The following TRAF7 variants were observed in gnomAD, a reference collection of about 807,000 sequenced individuals.
TRAF7 encodes the protein E3 ubiquitin-protein ligase TRAF7.
TRAF7 carries 45 observed loss-of-function variants against 89.3 expected under a neutral mutation model. The ratio of observed to expected loss-of-function variants is 0.50; its 90% CI spans 0.40 to 0.65. The LOEUF is 0.65. Ranked by LOEUF, TRAF7 falls within the 30% of genes least tolerant of loss-of-function variation. The pLI is 0.00. For missense variants in TRAF7, 677 were observed against 918.1 expected (o/e 0.74, Z 3.39); for synonymous variants, 406 against 369.2 (o/e 1.10, Z -1.14).
Position 2,175,691 on chromosome 16 carries a change from G to C in TRAF7, c.1626+69G>C, listed in dbSNP as rs2141295962. ...CCAGCACTTCCCAGGCCAGCACCTGGGGCTCCATCTGCCCTGTTCCTACCT... is the reference window on the plus strand; with the variant it reads ...CCAGCACTTCCCAGGCCAGCACCTGCGGCTCCATCTGCCCTGTTCCTACCT... On this transcript the variant is annotated intron_variant, in intron 17 of 20. Coordinates refer to ENST00000326181, the MANE Select transcript of TRAF7 (RefSeq NM_032271.3). The C allele has an allele frequency of 1.9e-6, 3 of 1,592,722 alleles. No individual in the cohort carries two copies. In the South Asian group the frequency reaches 3.4e-5, roughly 18 times the overall value.
chr16:2,177,893 G>A lies in TRAF7; in HGVS notation c.*1319G>A, dbSNP rs1344037077. 3 of 318,722 alleles carry A rather than the reference G, an allele frequency of 9.4e-6. No homozygotes were observed. Among genetic ancestry groups the A allele is most frequent in the East Asian group, 1.2e-4 (2 of 16,932 alleles). The allele number at this position is 318,722 out of a possible 1,614,324, so 19.7% of individuals were successfully genotyped here. On this transcript the variant is annotated 3_prime_UTR_variant, in exon 21 of 21. Transcript: ENST00000326181. ...CCCCGGGCCCCAGCCTTCCACCTGT[G>A]CTAGCAGCCTGGGGCCTCCACTCTG...
At chr16:2,155,898 C>T (rs992059894) in intron 1 of TRAF7, 40 bp downstream of exon 1, 42 of 149,972 alleles carry the variant, frequency 2.8e-4, no homozygotes, top group African/African-American at 9.5e-4. Context: ...GGGCTCGCGC[C>T]TCGGGACCGC....
chr16:2,164,574 A>G (rs9927101), intron 2 of TRAF7, among the ~76,000 whole-genome samples: 6,590 of 35,356 alleles, frequency 0.19, 353 homozygotes, highest in African/African-American at 0.27. Flanking sequence ...ATGGTTAAGC[A>G]TGTTAGTGCT....
chr16:2,176,380 T>A lies in TRAF7; in HGVS notation c.1994T>A (p.Val665Glu). ...RLFSGAVDST[V>E]KVWTC The stretch of plus-strand genomic sequence containing the variant: ...TTCTCAGGGGCTGTGGATAGCACTG[T>A]GAAGGTCAGTGCCCGTGGCTCAGGC... Residue 665 changes from valine to glutamate, a missense_variant, in exon 20 of 21, where the codon GTG becomes GAG. Coordinates refer to ENST00000326181, the MANE Select transcript of TRAF7 (RefSeq NM_032271.3). The A allele has an allele frequency of 6.2e-7, 1 of 1,608,694 alleles. No homozygotes were observed. Among genetic ancestry groups the A allele is most frequent in the African/African-American group, 1.3e-5 (1 of 75,000 alleles).
intron 3 of TRAF7, 136 bp downstream of exon 3, chr16:2,166,072 G>A (rs8062006): frequency 5.9e-6 from 6 of 1,024,824 alleles, no homozygotes; most frequent in Admixed American, 4.5e-5. Flanking sequence ...GCCTCACACC[G>A]CAGCCTGTGT....
In TRAF7 at chr16:2,168,231, G is replaced by A. The variant is rs1016021310; in HGVS notation, c.231+63G>A. On this transcript the variant is annotated intron_variant, in intron 4 of 20. Coordinates refer to ENST00000326181, the MANE Select transcript of TRAF7 (RefSeq NM_032271.3). The surrounding 1 kb of genome is among the most constrained non-coding windows in gnomAD (Gnocchi z 4.1). ...CCTCCCCCCATCCTCCCTCCTGGGG[G>A]AACCAGGTCCCAGGAGGAGTTGACA... The A allele has an allele frequency of 7.7e-6, 11 of 1,427,142 alleles. No individual in the cohort carries two copies. Among genetic ancestry groups the A allele is most frequent in the African/African-American group, 4.3e-5 (3 of 70,572 alleles). The allele number at this position is 1,427,142 out of a possible 1,614,324, so 88.4% of individuals were successfully genotyped here.
intron 4 of TRAF7, among the ~76,000 whole-genome samples, chr16:2,169,762 G>A (rs1205532366): frequency 6.6e-6 from 1 of 152,232 alleles, no homozygotes; most frequent in Non-Finnish European, 1.5e-5. Context: ...GGGCCCTTGG[G>A]ACCCAAAGGG....
intron 9 of TRAF7, 80 bp downstream of exon 9, chr16:2,172,679 G>A: frequency 6.8e-7 from 1 of 1,464,258 alleles, no homozygotes. Context: ...CCGCTTGCTG[G>A]TCCCGGGGAG....
intron 2 of TRAF7, 123 bp downstream of exon 2, chr16:2,164,124 G>A: frequency 1.9e-5 from 15 of 794,440 alleles, no homozygotes; most frequent in South Asian, 7.2e-5. Context: ...AGGGGAGCTC[G>A]GTGGGGGGGG....
At chr16:2,173,700 C>G (rs1276095989) in intron 11 of TRAF7, 88 bp from the exon 12 acceptor site, 1 of 1,586,628 alleles carries the variant, frequency 6.3e-7, no homozygotes, top group Non-Finnish European at 8.6e-7. Flanking sequence ...CTGCCCACCC[C>G]TGGCCCAGGG....
At chr16:2,156,091 G>T (rs1015028493) in intron 1 of TRAF7, among the ~76,000 whole-genome samples, 1 of 152,170 alleles carries the variant, frequency 6.6e-6, no homozygotes, top group African/African-American at 2.4e-5. Context: ...TTCTCGCGCA[G>T]TTCTTTACTC....
At chr16:2,167,825 G>GCTAC (rs964098481) in intron 3 of TRAF7, among the ~76,000 whole-genome samples, 4 of 152,140 alleles carry the variant, frequency 2.6e-5, no homozygotes, top group African/African-American at 7.2e-5. Context: ...TGGGGCAGGG[G>GCTAC]CTACCGGGCT....
chr16:2,170,556 TC>T, intron 4 of TRAF7, 57 bp from the exon 5 acceptor site: 1 of 1,373,172 alleles, frequency 7.3e-7, no homozygotes, highest in East Asian at 2.4e-5. Flanking sequence ...GGTCCTGTCC[TC>T]CCCGAGGCTC....
rs2093137953 is a variant in TRAF7 at position 2,176,597 on chromosome 16, T to C, written c.*23T>C. On this transcript the variant is annotated 3_prime_UTR_variant, in exon 21 of 21. Coordinates refer to ENST00000326181, the MANE Select transcript of TRAF7 (RefSeq NM_032271.3). ...TAACAGGATCCAGGCCAGGCTGTGG[T>C]TTCCCCTGAACCAGCCCTGGACCTT... 1.2e-6 allele frequency: 2 copies of C among 1,613,388 alleles called. No homozygotes were observed. Among genetic ancestry groups the C allele is most frequent in the Admixed American group, 1.7e-5 (1 of 60,016 alleles).
chr16:2,163,911 T>A lies in TRAF7; in HGVS notation c.-10T>A. The stretch of plus-strand genomic sequence containing the variant: ...GTGCTTCCCAAGGACCGTAGATGCC[T>A]CTCTAGAGCATGAGCTCAGGCAAGA... On this transcript the variant is annotated 5_prime_UTR_variant, in exon 2 of 21. Coordinates refer to ENST00000326181, the MANE Select transcript of TRAF7 (RefSeq NM_032271.3). This position sits in a 1 kb window ranked among gnomAD's most constrained non-coding sequence, Gnocchi z 4.3. 6.2e-7 allele frequency: 1 copy of A among 1,611,462 alleles called. No individual in the cohort carries two copies. Among genetic ancestry groups the A allele is most frequent in the Non-Finnish European group, 8.5e-7 (1 of 1,179,250 alleles).
intron 9 of TRAF7, 139 bp from the exon 10 acceptor site, chr16:2,173,043 G>T (rs1317214050): frequency 1.4e-6 from 1 of 719,064 alleles, no homozygotes; most frequent in Non-Finnish European, 2.4e-6. Context: ...GGGGAGGAGG[G>T]GCAGGACGGC....
rs2093134596 is a variant in TRAF7 at position 2,176,111 on chromosome 16, T to C, written c.1809T>C (p.Tyr603=). The part of the protein sequence containing the change: ...RTLTGHVGTV[Y]ALAVISTPDQ... The stretch of plus-strand genomic sequence containing the variant: ...TCACGGGCCACGTGGGCACCGTGTA[T>C]GCCCTGGCGGTCATCTCGACGCCAG... Residue 603 remains tyrosine, a synonymous_variant, in exon 19 of 21, where the codon TAT becomes TAC. Coordinates refer to ENST00000326181, the MANE Select transcript of TRAF7 (RefSeq NM_032271.3). 6.2e-7 allele frequency: 1 copy of C among 1,611,478 alleles called. No individual in the cohort carries two copies. Among genetic ancestry groups the C allele is most frequent in the South Asian group, 1.1e-5 (1 of 90,978 alleles).
chr16:2,172,274 C>T lies in TRAF7; in HGVS notation c.559C>T (p.His187Tyr), dbSNP rs149059378. The change falls in exon 8 of 21, where the codon CAC (histidine) becomes TAC (tyrosine). Residue 187 changes from histidine to tyrosine, a missense_variant. Transcript: ENST00000326181. ...VAEQIGELFIHCRHGCRVAGS... is the reference protein window; with the variant it reads ...VAEQIGELFIYCRHGCRVAGS... ...CGAGCAGATCGGGGAGCTCTTCATC[C>T]ACTGCCGGCACGGCTGCCGGGTAGC... The T allele has an allele frequency of 2.5e-6, 4 of 1,612,818 alleles. No individual in the cohort carries two copies. The African/African-American group carries it at 4.0e-5, about 16-fold the overall frequency.
In TRAF7 at chr16:2,168,209, C is replaced by T; in HGVS notation, c.231+41C>T. The T allele has an allele frequency of 6.5e-7, 1 of 1,533,620 alleles. No individual in the cohort carries two copies. The highest frequency in any genetic ancestry group is 1.2e-5 in the South Asian group (1 of 85,704). ...CAGGAGCCCGTGTGAGCCTCAGCCTCCCCCCATCCTCCCTCCTGGGGGAAC... is the reference window on the plus strand; with the variant it reads ...CAGGAGCCCGTGTGAGCCTCAGCCTTCCCCCATCCTCCCTCCTGGGGGAAC... On this transcript the variant is annotated intron_variant, in intron 4 of 20. Transcript: ENST00000326181. The surrounding 1 kb of genome is among the most constrained non-coding windows in gnomAD (Gnocchi z 4.1).
Sources: allele counts gnomAD v4.1 joint callset (sites outside exome capture counted in the v4.1 genomes callset), GRCh38; gene constraint gnomAD v4.1.1; non-coding constraint Gnocchi (gnomAD v3.1); transcripts MANE v1.5; gene names NCBI Gene and HGNC (gene_info 2026-07-23, HGNC 2026-07-21).